The following PPP2R2A variants were observed in gnomAD, a reference collection of about 807,000 sequenced individuals.
PPP2R2A encodes protein phosphatase 2 regulatory subunit Balpha.
Under a neutral mutation model 53.2 loss-of-function variants are expected in PPP2R2A, and 9 were observed. That is an observed-to-expected ratio of 0.17 (90% CI 0.10 to 0.30). PPP2R2A has a LOEUF of 0.30. PPP2R2A is among the 10% of genes least tolerant of loss of function. The pLI is 1.00. For missense variants in PPP2R2A, 235 were observed against 534.6 expected (o/e 0.44, Z 5.53); for synonymous variants, 169 against 174.2 (o/e 0.97, Z 0.23).
rs1009246159 is a variant in PPP2R2A, at chr8:26,338,647, A to T, written c.83-243A>T. ...AAATTTAGTGAAATGTTAATAAATT[A>T]GTATTTGTTGTATTCTCTGTTAAAA... is the stretch of plus-strand genomic sequence containing the variant. On this transcript the variant is annotated intron_variant, in intron 2 of 9. Transcript: ENST00000380737. The surrounding 1 kb of genome is among the most constrained non-coding windows in gnomAD (Gnocchi z 4.5). Among the ~76,000 whole-genome samples, 1 of 152,238 alleles carries T rather than the reference A, an allele frequency of 6.6e-6. No individual in the cohort carries two copies. Among genetic ancestry groups the T allele is most frequent in the Non-Finnish European group, 1.5e-5 (1 of 68,036 alleles).
chr8:26,356,792 G>C (rs1478200238), intron 4 of PPP2R2A, among the ~76,000 whole-genome samples: 1 of 152,150 alleles, frequency 6.6e-6, no homozygotes, highest in Non-Finnish European at 1.5e-5. Context: ...CTGAGTTCAA[G>C]AGAATAGTAT....
chr8:26,301,326 TTTC>T (rs1227450849), intron 2 of PPP2R2A, among the ~76,000 whole-genome samples: 13 of 151,664 alleles, frequency 8.6e-5, no homozygotes, highest in African/African-American at 2.9e-4. Context: ...TTTTTTCCTT[TTTC>T]TTTTTTTTGT....
intron 3 of PPP2R2A, among the ~76,000 whole-genome samples, chr8:26,345,648 A>G (rs932403415): frequency 2.0e-5 from 3 of 152,096 alleles, no homozygotes; most frequent in Non-Finnish European, 2.9e-5. Context: ...AGATTCCTAG[A>G]TTGTTTATTT....
chr8:26,356,930 T>C lies in PPP2R2A; in HGVS notation c.346+2297T>C, dbSNP rs529857378. Among the ~76,000 whole-genome samples the C allele has an allele frequency of 2.6e-5, 4 of 152,358 alleles. No homozygotes were observed. In the South Asian group the frequency reaches 8.3e-4, roughly 32 times the overall value. The stretch of plus-strand genomic sequence containing the variant: ...GAAGCAAATCCGATTACAACGTCTA[T>C]GGATTAAATCTTGTTTAAAGACATT... On this transcript the variant is annotated intron_variant, in intron 4 of 9. Transcript: ENST00000380737.
rs369259175 is a variant in PPP2R2A at position 26,360,288 on chromosome 8, A to G, written c.459+7A>G. ...TACAGTTACTACACTACGAGTAAGT[A>G]CATAAGAAAAAAATGTCACAGATAG... On this transcript the variant is annotated splice_region_variant and intron_variant, in intron 5 of 9. Coordinates refer to ENST00000380737, the MANE Select transcript of PPP2R2A (RefSeq NM_002717.4). This position sits in a 1 kb window ranked among gnomAD's most constrained non-coding sequence, Gnocchi z 4.5. 11 of 1,523,842 alleles carry G rather than the reference A, an allele frequency of 7.2e-6. No individual in the cohort carries two copies. The highest frequency in any genetic ancestry group is 9.9e-6 in the Non-Finnish European group (11 of 1,110,956). 94.4% of individuals were successfully genotyped at this position (1,523,842 alleles called of 1,614,324 possible).
intron 2 of PPP2R2A, among the ~76,000 whole-genome samples, chr8:26,325,351 T>C: frequency 6.6e-6 from 1 of 152,144 alleles, no homozygotes; most frequent in Non-Finnish European, 1.5e-5. Context: ...TTCCTCATTT[T>C]TCTCTTGCCG....
Position 26,354,145 on chromosome 8 carries a change from A to G in PPP2R2A, c.181-323A>G, listed in dbSNP as rs1804655456. The stretch of plus-strand genomic sequence containing the variant: ...ATGAACTTCCTTATTATGGGTGCTC[A>G]GTTTTTTTTCATCAGTTTTTTTCAT... On this transcript the variant is annotated intron_variant, in intron 3 of 9. Coordinates refer to ENST00000380737, the MANE Select transcript of PPP2R2A (RefSeq NM_002717.4). This position sits in a 1 kb window ranked among gnomAD's most constrained non-coding sequence, Gnocchi z 4.6. Among the ~76,000 whole-genome samples the G allele has an allele frequency of 6.6e-6, 1 of 152,110 alleles. No homozygotes were observed. The highest frequency in any genetic ancestry group is 2.1e-4 in the South Asian group (1 of 4,822).
At chr8:26,298,763 C>T (rs1801654835) in intron 2 of PPP2R2A, among the ~76,000 whole-genome samples, 1 of 152,214 alleles carries the variant, frequency 6.6e-6, no homozygotes, top group Non-Finnish European at 1.5e-5. Flanking sequence ...ATGGTTCCAT[C>T]ACTGGACCCT....
intron 1 of PPP2R2A, chr8:26,292,230 C>CT: frequency 9.5e-7 from 1 of 1,053,306 alleles, no homozygotes. Context: ...TATTTTTCCC[C>CT]CTGCTGCAAG....
At chr8:26,323,076 T>G (rs1213371111) in intron 2 of PPP2R2A, among the ~76,000 whole-genome samples, 1 of 152,214 alleles carries the variant, frequency 6.6e-6, no homozygotes, top group Non-Finnish European at 1.5e-5. Context: ...CAGTCTCCTT[T>G]TTTACCTGGT....
chr8:26,292,675 G>C (rs1801357891), intron 1 of PPP2R2A, among the ~76,000 whole-genome samples: 1 of 152,190 alleles, frequency 6.6e-6, no homozygotes, highest in South Asian at 2.1e-4. Context: ...GGTGATGGGG[G>C]AGAGAGAAGT....
chr8:26,352,160 G>A (rs1007140214), intron 3 of PPP2R2A, among the ~76,000 whole-genome samples: 2 of 152,182 alleles, frequency 1.3e-5, no homozygotes, highest in African/African-American at 4.8e-5. Flanking sequence ...TGAAGGATGT[G>A]TCACAATTCT....
intron 2 of PPP2R2A, among the ~76,000 whole-genome samples, chr8:26,337,995 A>G (rs1398370319): frequency 1.3e-5 from 2 of 152,224 alleles, no homozygotes; most frequent in South Asian, 4.1e-4. Context: ...TTAAATTCTT[A>G]ACAGTGAGCT....
intron 2 of PPP2R2A, among the ~76,000 whole-genome samples, chr8:26,303,037 C>T (rs1801857881): frequency 6.6e-6 from 1 of 152,080 alleles, no homozygotes; most frequent in South Asian, 2.1e-4. Flanking sequence ...TCTCATGAAC[C>T]ACAAGGTAAG....
At chr8:26,304,180 T>C (rs956705082) in intron 2 of PPP2R2A, among the ~76,000 whole-genome samples, 6 of 142,948 alleles carry the variant, frequency 4.2e-5, no homozygotes, top group Non-Finnish European at 6.2e-5. Flanking sequence ...AGGAGGGTAT[T>C]TTTTCTTACC....
rs1585407230 is a variant in PPP2R2A, at chr8:26,361,048, T to C, written c.534T>C (p.Tyr178=). 6.2e-7 allele frequency: 1 copy of C among 1,609,098 alleles called. No individual in the cohort carries two copies. The highest frequency in any genetic ancestry group is 8.5e-7 in the Non-Finnish European group (1 of 1,178,980). Residue 178 remains tyrosine, a synonymous_variant, in exon 6 of 10, where the codon TAT becomes TAC. Transcript: ENST00000380737. ...PRRIFANAHT[Y]HINSISINSD... Reference sequence around the variant, plus strand: ...GAATATTTGCCAATGCTCATACATATCACATCAACTCAATTTCTATTAATA... The same window carrying C: ...GAATATTTGCCAATGCTCATACATACCACATCAACTCAATTTCTATTAATA...
intron 2 of PPP2R2A, chr8:26,333,424 A>G (rs1803481136): frequency 1.4e-6 from 1 of 737,276 alleles, no homozygotes; most frequent in Non-Finnish European, 1.9e-6. Context: ...CTTCAGCTGT[A>G]TTAAAAATTA....
At chr8:26,348,010 T>C (rs998817659) in intron 3 of PPP2R2A, among the ~76,000 whole-genome samples, 1 of 152,222 alleles carries the variant, frequency 6.6e-6, no homozygotes, top group Non-Finnish European at 1.5e-5. Flanking sequence ...TTTTGTTTTG[T>C]ACCATTTCTG....
At chr8:26,367,570 C>T (rs1805444007) in intron 9 of PPP2R2A, among the ~76,000 whole-genome samples, 1 of 152,182 alleles carries the variant, frequency 6.6e-6, no homozygotes, top group Non-Finnish European at 1.5e-5. Context: ...TGCTGTATCA[C>T]GTGTTCTATT....
Sources: allele counts gnomAD v4.1 joint callset (sites outside exome capture counted in the v4.1 genomes callset), GRCh38; gene constraint gnomAD v4.1.1; non-coding constraint Gnocchi (gnomAD v3.1); transcripts MANE v1.5; gene names NCBI Gene and HGNC (gene_info 2026-07-23, HGNC 2026-07-21).